The following UBE2H variants were observed in gnomAD, a reference collection of about 807,000 sequenced individuals.
UBE2H encodes the protein ubiquitin conjugating enzyme E2 H.
In UBE2H, 3 loss-of-function variants were observed where a neutral mutation model predicts 29.0. The ratio of observed to expected loss-of-function variants is 0.10; its 90% CI spans 0.05 to 0.27. The LOEUF is 0.27. Among genes scored for constraint, UBE2H ranks in the 10% least tolerant of loss-of-function variants. The pLI, the probability that UBE2H is intolerant of heterozygous loss-of-function variation, is 1.00. For synonymous variants in UBE2H, 69 were observed against 82.9 expected (o/e 0.83, Z 0.91); for missense variants, 68 against 228.2 (o/e 0.30, Z 4.52).
intron 1 of UBE2H, among the ~76,000 whole-genome samples, chr7:129,906,112 T>A (rs1490735985): frequency 6.6e-6 from 1 of 152,100 alleles, no homozygotes; most frequent in East Asian, 1.9e-4. Context: ...TAAAAACACA[T>A]TCAGGCAATA....
chr7:129,846,943 T>C (rs942014158), intron 5 of UBE2H, among the ~76,000 whole-genome samples: 1 of 152,220 alleles, frequency 6.6e-6, no homozygotes, highest in Non-Finnish European at 1.5e-5. Flanking sequence ...GCTCAAATTC[T>C]GTGGCATTTG....
At chr7:129,890,621 G>A (rs746520720) in intron 1 of UBE2H, among the ~76,000 whole-genome samples, 10 of 152,026 alleles carry the variant, frequency 6.6e-5, no homozygotes, top group Middle Eastern at 3.4e-3. Context: ...CAGGTGATCC[G>A]CCTACCTTGG....
intron 1 of UBE2H, among the ~76,000 whole-genome samples, chr7:129,919,220 C>A (rs1389055901): frequency 6.7e-6 from 1 of 150,310 alleles, no homozygotes; most frequent in Non-Finnish European, 1.5e-5. Context: ...ATAATAATTT[C>A]TATTATCTAC....
intron 1 of UBE2H, among the ~76,000 whole-genome samples, chr7:129,931,573 C>A (rs953809799): frequency 1.3e-5 from 2 of 151,708 alleles, no homozygotes; most frequent in African/African-American, 4.8e-5. Flanking sequence ...AGTTTTTAAT[C>A]ATTTTGCAAC....
intron 5 of UBE2H, among the ~76,000 whole-genome samples, chr7:129,855,060 G>C (rs541599577): frequency 3.3e-5 from 5 of 152,176 alleles, no homozygotes; most frequent in Non-Finnish European, 7.3e-5. Context: ...TTATTTTTGA[G>C]GTGATGAAAA....
intron 1 of UBE2H, among the ~76,000 whole-genome samples, chr7:129,951,844 A>G (rs1807882296): frequency 6.6e-6 from 1 of 152,096 alleles, no homozygotes. Flanking sequence ...TCTTCATCAC[A>G]TACAACTATG....
intron 1 of UBE2H, among the ~76,000 whole-genome samples, chr7:129,939,933 T>A (rs1255836643): frequency 6.6e-6 from 1 of 150,858 alleles, no homozygotes; most frequent in Admixed American, 6.6e-5. Flanking sequence ...CACTCCAGAC[T>A]GGGCGACAAC....
chr7:129,937,762 A>C (rs73144703), intron 1 of UBE2H, among the ~76,000 whole-genome samples: 1 of 152,360 alleles, frequency 6.6e-6, no homozygotes, highest in Non-Finnish European at 1.5e-5. Flanking sequence ...AAGGTATTTT[A>C]AATCTTTATA....
intron 1 of UBE2H, among the ~76,000 whole-genome samples, chr7:129,914,714 A>C (rs1807008917): frequency 6.6e-6 from 1 of 152,008 alleles, no homozygotes; most frequent in African/African-American, 2.4e-5. Context: ...AAAGAACCAC[A>C]CTCTCTGCCA....
At chr7:129,930,704 C>T (rs193208011) in intron 1 of UBE2H, among the ~76,000 whole-genome samples, 4 of 147,422 alleles carry the variant, frequency 2.7e-5, no homozygotes, top group African/African-American at 5.0e-5. Context: ...GTTAGGAAAT[C>T]GAGACCATCC....
At chr7:129,928,953 G>C (rs961914911) in intron 1 of UBE2H, among the ~76,000 whole-genome samples, 1 of 152,156 alleles carries the variant, frequency 6.6e-6, no homozygotes, top group African/African-American at 2.4e-5. Flanking sequence ...AAAGATAACT[G>C]CTTTATGAAT....
Position 129,952,708 on chromosome 7 carries a change from G to C in UBE2H, c.-153C>G, listed in dbSNP as rs1450019926. The C allele has an allele frequency of 2.4e-6, 2 of 820,902 alleles. No homozygotes were observed. The highest frequency in any genetic ancestry group is 1.8e-5 in the African/African-American group (1 of 54,662). The allele number at this position is 820,902 out of a possible 1,614,324, so 50.9% of individuals were successfully genotyped here. A position where few individuals can be genotyped will look rare whatever the true frequency, so the allele number is the denominator to read the frequency against. On this transcript the variant is annotated 5_prime_UTR_variant, in exon 1 of 7. Coordinates refer to ENST00000355621, the MANE Select transcript of UBE2H (RefSeq NM_003344.4). ...CCGTCAGCCGCCGCCGCCGCCCCCC[G>C]CACGGGGGAACACCGGGCACTGTCC...
In UBE2H at chr7:129,920,644, G is replaced by A. The variant is rs181164312; in HGVS notation, c.53+31859C>T. Among the ~76,000 whole-genome samples the A allele has an allele frequency of 7.8e-4, 118 of 152,054 alleles. 1 individual carries two copies. Among genetic ancestry groups the A allele is most frequent in the Admixed American group, 7.4e-3 (113 of 15,240 alleles). On this transcript the variant is annotated intron_variant, in intron 1 of 6. Transcript: ENST00000355621. ...TGATGACAATTCAAGAAGACAGGGAGGGAAGCGGAATCAGGAAAGACATCA... is the reference window on the plus strand; with the variant it reads ...TGATGACAATTCAAGAAGACAGGGAAGGAAGCGGAATCAGGAAAGACATCA...
chr7:129,844,056 T>C (rs567026209), intron 5 of UBE2H, among the ~76,000 whole-genome samples: 6 of 152,358 alleles, frequency 3.9e-5, no homozygotes, highest in South Asian at 4.1e-4. Context: ...GCCTATGAAT[T>C]TGTTCCAAAC....
At chr7:129,844,351 G>A (rs1239460725) in intron 5 of UBE2H, among the ~76,000 whole-genome samples, 1 of 152,212 alleles carries the variant, frequency 6.6e-6, no homozygotes, top group Non-Finnish European at 1.5e-5. Flanking sequence ...ATGTGCAGAT[G>A]TGCAGAAAGT....
intron 1 of UBE2H, among the ~76,000 whole-genome samples, chr7:129,932,194 G>A (rs1304268235): frequency 6.6e-5 from 10 of 150,462 alleles, no homozygotes; most frequent in Admixed American, 2.7e-4. Context: ...CGCAATCTCG[G>A]CTCACTGCAA....
At chr7:129,885,346 T>C (rs1436335612) in intron 1 of UBE2H, among the ~76,000 whole-genome samples, 1 of 152,234 alleles carries the variant, frequency 6.6e-6, no homozygotes, top group Non-Finnish European at 1.5e-5. Flanking sequence ...TCTCCATCAA[T>C]CAGAACTAAT....
intron 1 of UBE2H, among the ~76,000 whole-genome samples, chr7:129,885,703 T>A (rs1322691179): frequency 6.6e-6 from 1 of 152,202 alleles, no homozygotes; most frequent in Non-Finnish European, 1.5e-5. Context: ...ACTAAACCTT[T>A]AAAACTTTTA....
At chr7:129,880,332 C>A (rs1338937027) in intron 2 of UBE2H, among the ~76,000 whole-genome samples, 1 of 152,080 alleles carries the variant, frequency 6.6e-6, no homozygotes, top group South Asian at 2.1e-4. Flanking sequence ...CATGGTGAAA[C>A]CCTGTCTCTA....
Sources: allele counts gnomAD v4.1 joint callset (sites outside exome capture counted in the v4.1 genomes callset), GRCh38; gene constraint gnomAD v4.1.1; transcripts MANE v1.5; gene names NCBI Gene and HGNC (gene_info 2026-07-23, HGNC 2026-07-21).